INTS1: variants seen among roughly 807,000 people sequenced by gnomAD.
INTS1 encodes integrator complex subunit 1.
Under a neutral mutation model 241.6 loss-of-function variants are expected in INTS1, and 137 were observed. The ratio of observed to expected loss-of-function variants is 0.57; its 90% CI spans 0.49 to 0.65. The LOEUF is 0.65. Among genes scored for constraint, INTS1 ranks in the 30% least tolerant of loss-of-function variants. INTS1 has a pLI of 0.00. For missense variants in INTS1, 3,073 were observed against 3,032.2 expected (o/e 1.01, Z -0.32); for synonymous variants, 1,692 against 1,337.8 (o/e 1.26, Z -5.78).
rs1214608817 is a variant in INTS1 at position 1,489,955 on chromosome 7, G to A, written c.2166-273C>T. 3.3e-5 allele frequency among the ~76,000 whole-genome samples: 5 copies of A among 152,168 alleles called. No homozygotes were observed. In the East Asian group the frequency reaches 9.6e-4, roughly 29 times the overall value. ...TGGATACATAATAAACGTTCATTAA[G>A]TGACAATGATTTTTGTACTCTACAT... On this transcript the variant is annotated intron_variant, in intron 16 of 47. Transcript: ENST00000404767.
chr7:1,487,915 G>C lies in INTS1; in HGVS notation c.2361C>G (p.Thr787=). ...YPPCTLTDEE[T]RTEMLNRELQ... ...GCTCACGGTTCAGCATCTCCGTCCG[G>C]GTCTCCTCATCCGTCAGGGTGCACG... is the stretch of plus-strand genomic sequence containing the variant. The change falls in exon 19 of 48, where the codon ACC becomes ACG. Residue 787 remains threonine (T), a synonymous_variant. Transcript: ENST00000404767. 4 of 1,613,462 alleles carry C rather than the reference G, an allele frequency of 2.5e-6. No homozygotes were observed. The highest frequency in any genetic ancestry group is 2.5e-6 in the Non-Finnish European group (3 of 1,179,842).
At position 1,494,857 on chromosome 7, in the gene INTS1, G is replaced by T; in HGVS notation, c.1869C>A (p.Thr623=). 3 of 1,569,332 alleles carry T rather than the reference G, an allele frequency of 1.9e-6. No individual in the cohort carries two copies. The South Asian group carries it at 3.5e-5, about 18-fold the overall frequency. The change falls in exon 14 of 48, where the codon ACC becomes ACA. Residue 623 remains threonine, a synonymous_variant. Coordinates refer to ENST00000404767, the MANE Select transcript of INTS1 (RefSeq NM_001080453.3). ...HKVLFTEQPE[T]YYKWDNWPPE... ...GTGGCCAGTTGTCCCACTTGTAGTA[G>T]GTCTCCGGCTGCTCTGTGAACAGCA... is the stretch of plus-strand genomic sequence containing the variant.
At chr7:1,487,605 G>T in intron 19 of INTS1, 155 bp downstream of exon 19, 1 of 1,280,458 alleles carries the variant, frequency 7.8e-7, no homozygotes, top group Non-Finnish European at 1.1e-6. Context: ...CCCCACAGCA[G>T]TAAGCCAGGG....
chr7:1,486,260 C>A (rs1008880019), intron 22 of INTS1, among the ~76,000 whole-genome samples: 7 of 148,912 alleles, frequency 4.7e-5, no homozygotes, highest in Non-Finnish European at 8.9e-5. Flanking sequence ...CTTTATTTTT[C>A]ATTTATTTAT....
chr7:1,471,678 C>T, intron 44 of INTS1, 37 bp from the exon 45 acceptor site: 1 of 1,600,382 alleles, frequency 6.2e-7, no homozygotes, highest in Non-Finnish European at 8.5e-7. Context: ...AACTGAAGGG[C>T]CCAGGCAGAC....
intron 33 of INTS1, 150 bp from the exon 34 acceptor site, chr7:1,478,086 G>T: frequency 1.3e-6 from 1 of 747,776 alleles, no homozygotes; most frequent in Admixed American, 2.4e-5. Flanking sequence ...GAGTGCAGCC[G>T]GGGCCGGAGA....
At chr7:1,484,289 C>G in intron 24 of INTS1, 119 bp from the exon 25 acceptor site, 1 of 1,067,626 alleles carries the variant, frequency 9.4e-7, no homozygotes, top group South Asian at 1.6e-5. Flanking sequence ...CGCGGCACCG[C>G]AGACCCTCAC....
rs914788211 is a variant in INTS1 at position 1,504,013 on chromosome 7, C to A, written c.-41-12G>T. On this transcript the variant is annotated splice_polypyrimidine_tract_variant and intron_variant, in intron 1 of 47. Transcript: ENST00000404767. ...GGCTGCGGCGTCACCTGCGGAGGAG[C>A]CAGCGTGCGGTCATTCCTTCACTCA... is the stretch of plus-strand genomic sequence containing the variant. The A allele has an allele frequency of 1.6e-5, 22 of 1,360,682 alleles. No homozygotes were observed. In the Admixed American group the frequency reaches 4.3e-4, roughly 27 times the overall value. The allele number at this position is 1,360,682 out of a possible 1,614,324, so 84.3% of individuals were successfully genotyped here.
rs1584270161 is a variant in INTS1, at chr7:1,481,071, C to T, written c.3851-138G>A. On this transcript the variant is annotated intron_variant, in intron 28 of 47. Transcript: ENST00000404767. The surrounding 1 kb of genome is among the most constrained non-coding windows in gnomAD (Gnocchi z 6.8). ...AAGGACTTCAGAAGCTGGGTGAGCT[C>T]AGTCAGCACTGAGGCCCCAACAGCT... The T allele has an allele frequency of 1.4e-6, 1 of 714,450 alleles. No individual in the cohort carries two copies. The highest frequency in any genetic ancestry group is 2.7e-5 in the East Asian group (1 of 36,934). 44.3% of individuals were successfully genotyped at this position (714,450 alleles called of 1,614,324 possible).
Position 1,477,664 on chromosome 7 carries a change from G to A in INTS1, c.4824C>T (p.Ala1608=), listed in dbSNP as rs374497695. ...KPGADGGSLE[A]VRLGPSSGLL... The stretch of plus-strand genomic sequence containing the variant: ...GGCCTGACGAGGGCCCCAGCCGCAC[G>A]GCCTCCAGGCTGCAGGGAGAAGGTG... Residue 1608 remains alanine (A), a synonymous_variant, in exon 35 of 48, where the codon GCC becomes GCT. Transcript: ENST00000404767. 121 of 1,595,286 alleles carry A rather than the reference G, an allele frequency of 7.6e-5. No individual in the cohort carries two copies. The highest frequency in any genetic ancestry group is 2.9e-4 in the South Asian group (26 of 88,618).
At chr7:1,489,428 C>A (rs1268990865) in intron 17 of INTS1, 24 bp from the exon 18 acceptor site, 2 of 1,053,358 alleles carry the variant, frequency 1.9e-6, no homozygotes, top group Non-Finnish European at 2.3e-6. Context: ...GGGTGTGGGG[C>A]TGGCCAGGCT....
At chr7:1,492,109 C>A (rs1315079503) in intron 16 of INTS1, among the ~76,000 whole-genome samples, 1 of 152,092 alleles carries the variant, frequency 6.6e-6, no homozygotes, top group Non-Finnish European at 1.5e-5. Context: ...AAACACGTGG[C>A]CCAGCAACCC....
At chr7:1,474,930 A>G in intron 39 of INTS1, 92 bp from the exon 40 acceptor site, 1 of 1,466,740 alleles carries the variant, frequency 6.8e-7, no homozygotes, top group Non-Finnish European at 9.1e-7. Context: ...GCCGTGATCC[A>G]CCGCGTGGCA....
chr7:1,471,923 C>T (rs946943276), intron 44 of INTS1, among the ~76,000 whole-genome samples: 8 of 152,220 alleles, frequency 5.3e-5, no homozygotes, highest in African/African-American at 1.2e-4. Context: ...CGACTCCATC[C>T]GGGCCGCTCA....
chr7:1,504,128 G>A (rs1783347148), intron 1 of INTS1, 127 bp from the exon 2 acceptor site: 2 of 578,864 alleles, frequency 3.5e-6, no homozygotes, highest in Admixed American at 3.8e-5. Context: ...GCCCGGCGGG[G>A]CGATGCTGCA....
At position 1,493,834 on chromosome 7, in the gene INTS1, CG is replaced by C. The variant is rs1562512810; in HGVS notation, c.1987del (p.Arg663GlyfsTer18). The C allele has an allele frequency of 6.4e-7, 1 of 1,570,610 alleles. No individual in the cohort carries two copies. Among genetic ancestry groups the C allele is most frequent in the South Asian group, 1.2e-5 (1 of 85,378 alleles). On this transcript the variant is annotated frameshift_variant, in exon 15 of 48. Coordinates refer to ENST00000404767, the MANE Select transcript of INTS1 (RefSeq NM_001080453.3). LOFTEE classifies it high-confidence loss of function. This position sits in a 1 kb window ranked among gnomAD's most constrained non-coding sequence, Gnocchi z 5.3. ...GTCCGCAGGCCCGAGCGGGAGCTCC[CG>C]GGACAGCCCGATGACCAGGATGCGC... ...LMRILVIGLS[R>X]ELPLGPADAM... is the part of the protein sequence containing the mutation.
Position 1,504,018 on chromosome 7 carries a change from G to C in INTS1, c.-41-17C>G. On this transcript the variant is annotated splice_polypyrimidine_tract_variant and intron_variant, in intron 1 of 47. Transcript: ENST00000404767. ...CGGCGTCACCTGCGGAGGAGCCAGC[G>C]TGCGGTCATTCCTTCACTCATTCGC... 7.6e-7 allele frequency: 1 copy of C among 1,308,708 alleles called. No individual in the cohort carries two copies. 81.1% of individuals were successfully genotyped at this position (1,308,708 alleles called of 1,614,324 possible). A position where few individuals can be genotyped will look rare whatever the true frequency, so the allele number is the denominator to read the frequency against.
intron 40 of INTS1, 25 bp downstream of exon 40, chr7:1,474,680 G>A (rs1338199231): frequency 6.5e-6 from 10 of 1,548,822 alleles, no homozygotes; most frequent in Admixed American, 1.9e-5. Context: ...AGTGTCTGGC[G>A]AGGGCAGGGC....
chr7:1,478,550 C>T (rs1781844818), intron 32 of INTS1, 44 bp from the exon 33 acceptor site: 2 of 1,591,910 alleles, frequency 1.3e-6, no homozygotes, highest in East Asian at 2.3e-5. Flanking sequence ...CAGCCCTCAC[C>T]CCATCGGTGT....
Sources: gnomAD v4.1 joint callset for allele counts (sites outside exome capture counted in the v4.1 genomes callset) on GRCh38, gnomAD v4.1.1 for gene constraint, Gnocchi (gnomAD v3.1) non-coding constraint, MANE v1.5 for transcripts, NCBI Gene and HGNC (gene_info 2026-07-23, HGNC 2026-07-21) for gene names.